Variants in VIPR1 observed in about 807,000 individuals in gnomAD.
VIPR1 encodes vasoactive intestinal polypeptide receptor 1.
In VIPR1, 59 loss-of-function variants were observed where a neutral mutation model predicts 58.8. The observed-to-expected ratio is 1.00, with a 90% CI of 0.81 to 1.25. The LOEUF is 1.25. Ranked by LOEUF, VIPR1 falls within the 50% of genes most tolerant of loss-of-function variation. VIPR1 has a pLI of 0.00. For missense variants in VIPR1, 626 were observed against 602.7 expected (o/e 1.04, Z -0.40); for synonymous variants, 251 against 242.1 (o/e 1.04, Z -0.34).
intron 3 of VIPR1, among the ~76,000 whole-genome samples, chr3:42,522,101 A>ATATATATATATATATATTT (rs1419353370): frequency 2.8e-5 from 1 of 35,380 alleles, no homozygotes; most frequent in African/African-American, 1.1e-4. Flanking sequence ...ATATATATAT[A>ATATATATATATATATATTT]TTTTTTTTTT....
At chr3:42,528,306 C>T (rs1274894251) in intron 6 of VIPR1, 183 bp downstream of exon 6, 24 of 805,142 alleles carry the variant, frequency 3.0e-5, no homozygotes, top group Non-Finnish European at 4.5e-5. Flanking sequence ...TCACACTCCC[C>T]TCCGGCAACA....
In VIPR1 at chr3:42,526,334, G is replaced by A. The variant is rs79133607; in HGVS notation, c.399+341G>A. On this transcript the variant is annotated intron_variant, in intron 4 of 12. Coordinates refer to ENST00000325123, the MANE Select transcript of VIPR1 (RefSeq NM_004624.4). ...ACCAGCACCCCATCCCATCCAGAGG[G>A]GAAACCGAGTTGCTGCAGGTCCTGG... Among the ~76,000 whole-genome samples, 257 of 152,342 alleles carry A rather than the reference G, an allele frequency of 1.7e-3. 6 individuals carry two copies. In the East Asian group the frequency reaches 0.043, roughly 25 times the overall value.
chr3:42,528,136 G>GC lies in VIPR1; in HGVS notation c.636+16dup, dbSNP rs569192465. 3.4e-5 allele frequency: 55 copies of GC among 1,611,602 alleles called. No homozygotes were observed. In the East Asian group the frequency reaches 5.8e-4, roughly 17 times the overall value. ...CTCCGAGGGCTCGGTGAGGATCCTG[G>GC]CCCTGGCCCACCTCCCTCAGTCTCG... On this transcript the variant is annotated intron_variant, in intron 6 of 12. Coordinates refer to ENST00000325123, the MANE Select transcript of VIPR1 (RefSeq NM_004624.4).
intron 1 of VIPR1, among the ~76,000 whole-genome samples, chr3:42,503,490 C>G (rs1699971141): frequency 6.6e-6 from 1 of 152,190 alleles, no homozygotes; most frequent in East Asian, 1.9e-4. Context: ...AGTGGCCTCC[C>G]TCTTCCTCCC....
upstream of VIPR1, among the ~76,000 whole-genome samples, chr3:42,499,161 C>G (rs1224564261): frequency 6.6e-6 from 1 of 152,232 alleles, no homozygotes; most frequent in Non-Finnish European, 1.5e-5. Flanking sequence ...AGTGACTCCC[C>G]CAGCCAGGTG....
At position 42,509,960 on chromosome 3, in the gene VIPR1, G is replaced by A. The variant is rs186034113; in HGVS notation, c.79-3789G>A. 1.3e-3 allele frequency among the ~76,000 whole-genome samples: 204 copies of A among 152,288 alleles called. 1 individual carries two copies. The highest frequency in any genetic ancestry group is 4.6e-3 in the African/African-American group (192 of 41,562). Reference sequence around the variant, plus strand: ...TCAGCCCCACCACCTGCAACCTGAGGGATCTTTGTAAAATGTGTATCCCCC... The same window carrying A: ...TCAGCCCCACCACCTGCAACCTGAGAGATCTTTGTAAAATGTGTATCCCCC... On this transcript the variant is annotated intron_variant, in intron 1 of 12. Coordinates refer to ENST00000325123, the MANE Select transcript of VIPR1 (RefSeq NM_004624.4).
chr3:42,513,800 G>C lies in VIPR1; in HGVS notation c.130G>C (p.Glu44Gln). ...QEECDYVQMI[E>Q]VQHKQCLEEA... ...GGAGTGTGACTATGTGCAGATGATC[G>C]AGGTGCAGCACAAGCAGTGCCTGGA... The change falls in exon 2 of 13, where the codon GAG becomes CAG. Residue 44 changes from glutamate (E) to glutamine (Q), a missense_variant. Transcript: ENST00000325123. 1 of 1,551,674 alleles carries C rather than the reference G, an allele frequency of 6.4e-7. No homozygotes were observed. Among genetic ancestry groups the C allele is most frequent in the South Asian group, 1.2e-5 (1 of 84,050 alleles).
chr3:42,526,035 G>A lies in VIPR1; in HGVS notation c.399+42G>A, dbSNP rs556089364. ...CCCCACCTCACCTGCAGAGCGCCGG[G>A]GCCCACCTAGGAGACTTTGATCTCT... is the stretch of plus-strand genomic sequence containing the variant. On this transcript the variant is annotated intron_variant, in intron 4 of 12. Transcript: ENST00000325123. 2.3e-5 allele frequency: 35 copies of A among 1,553,170 alleles called. No individual in the cohort carries two copies. In the African/African-American group the frequency reaches 3.7e-4, roughly 16 times the overall value.
intron 5 of VIPR1, 159 bp from the exon 6 acceptor site, chr3:42,527,831 TG>T: frequency 9.4e-7 from 1 of 1,064,540 alleles, no homozygotes; most frequent in Non-Finnish European, 1.4e-6. Flanking sequence ...TACCTGGGGG[TG>T]GGGCTCGTAT....
chr3:42,523,826 T>C (rs1048732243), intron 3 of VIPR1, among the ~76,000 whole-genome samples: 1 of 152,024 alleles, frequency 6.6e-6, no homozygotes, highest in South Asian at 2.1e-4. Flanking sequence ...ATCCTCTTTT[T>C]TTTTTCCCTG....
In VIPR1 at chr3:42,536,405, C is replaced by T. The variant is rs1701852416; in HGVS notation, c.*124C>T. 9 of 1,077,390 alleles carry T rather than the reference C, an allele frequency of 8.4e-6. No homozygotes were observed. The East Asian group carries it at 2.2e-4, about 27-fold the overall frequency. 66.7% of individuals were successfully genotyped at this position (1,077,390 alleles called of 1,614,324 possible). ...CGGCCCTGGGCTCGGAGGCTGCCCCCGGCCCCCTGGTCTCTGGTCCGGACA... is the reference window on the plus strand; with the variant it reads ...CGGCCCTGGGCTCGGAGGCTGCCCCTGGCCCCCTGGTCTCTGGTCCGGACA... On this transcript the variant is annotated 3_prime_UTR_variant, in exon 13 of 13. Coordinates refer to ENST00000325123, the MANE Select transcript of VIPR1 (RefSeq NM_004624.4).
chr3:42,535,957 CA>C, intron 12 of VIPR1, 132 bp from the exon 13 acceptor site: 1 of 1,151,754 alleles, frequency 8.7e-7, no homozygotes, highest in Non-Finnish European at 1.2e-6. Flanking sequence ...CCCGAGGCAG[CA>C]TAGGGGTCCC....
intron 3 of VIPR1, among the ~76,000 whole-genome samples, chr3:42,522,671 T>A (rs1701012565): frequency 6.6e-6 from 1 of 152,092 alleles, no homozygotes; most frequent in Admixed American, 6.6e-5. Context: ...GTTAGCATGA[T>A]CCTTCCAGCT....
In VIPR1 at chr3:42,536,285, C is replaced by A; in HGVS notation, c.*4C>A. ...AGCCGAAGTCTCCCTGGTCTGACCA[C>A]CAGGATCCCAGGGGCCCAAGGCGGC... On this transcript the variant is annotated 3_prime_UTR_variant, in exon 13 of 13. Transcript: ENST00000325123. The A allele has an allele frequency of 6.5e-7, 1 of 1,538,458 alleles. No individual in the cohort carries two copies. The highest frequency in any genetic ancestry group is 1.4e-5 in the African/African-American group (1 of 73,472).
At chr3:42,492,784 A>G (rs1158544418) in intron 1 of VIPR1, among the ~76,000 whole-genome samples, 1 of 152,184 alleles carries the variant, frequency 6.6e-6, no homozygotes, top group Non-Finnish European at 1.5e-5. Flanking sequence ...CACTAGACTC[A>G]CTACCTGCTC....
intron 6 of VIPR1, 162 bp downstream of exon 6, chr3:42,528,285 C>T: frequency 1.0e-6 from 1 of 999,766 alleles, no homozygotes; most frequent in South Asian, 1.7e-5. Flanking sequence ...CCCCACCTGG[C>T]AGTACTCAAA....
At position 42,513,791 on chromosome 3, in the gene VIPR1, C is replaced by T. The variant is rs1700480346; in HGVS notation, c.121C>T (p.Gln41Ter). Residue 41 changes from glutamine to a stop codon, truncating the protein, a stop_gained, in exon 2 of 13, where the codon CAG (glutamine) becomes TAG (stop). Transcript: ENST00000325123. LOFTEE classifies it high-confidence loss of function. ...GCTGCAGGAGGAGTGTGACTATGTGCAGATGATCGAGGTGCAGCACAAGCA... is the reference window on the plus strand; with the variant it reads ...GCTGCAGGAGGAGTGTGACTATGTGTAGATGATCGAGGTGCAGCACAAGCA... ...ARLQEECDYV[Q>*]MIEVQHKQCL... 3 of 1,551,482 alleles carry T rather than the reference C, an allele frequency of 1.9e-6. No homozygotes were observed. Among genetic ancestry groups the T allele is most frequent in the South Asian group, 1.2e-5 (1 of 84,060 alleles).
intron 3 of VIPR1, among the ~76,000 whole-genome samples, chr3:42,525,243 T>A (rs1277835296): frequency 6.6e-6 from 1 of 152,086 alleles, no homozygotes; most frequent in East Asian, 1.9e-4. Flanking sequence ...GCTTCAAGCC[T>A]CTGAGGACAG....
At chr3:42,497,437 C>T (rs115470434) in intron 1 of VIPR1, among the ~76,000 whole-genome samples, 2 of 152,082 alleles carry the variant, frequency 1.3e-5, no homozygotes, top group East Asian at 3.9e-4. Context: ...TGCTCTTACA[C>T]GCGGACATAC....
Sources: gnomAD v4.1 joint callset for allele counts (sites outside exome capture counted in the v4.1 genomes callset) on GRCh38, gnomAD v4.1.1 for gene constraint, MANE v1.5 for transcripts, NCBI Gene and HGNC (gene_info 2026-07-23, HGNC 2026-07-21) for gene names.